Variants in MAST3 observed in about 807,000 individuals in gnomAD.
MAST3 encodes the protein microtubule-associated serine/threonine-protein kinase 3.
Under a neutral mutation model 127.0 loss-of-function variants are expected in MAST3, and 43 were observed. That is an observed-to-expected ratio of 0.34 (90% CI 0.27 to 0.44). The LOEUF is 0.44. Ranked by LOEUF, MAST3 falls within the 20% of genes least tolerant of loss-of-function variation. The pLI is 1.00. For synonymous variants in MAST3, 785 were observed against 809.2 expected, an observed-to-expected ratio of 0.97 and a Z score of 0.51; for missense variants, 1,390 against 1,919.1, an observed-to-expected ratio of 0.72 and a Z score of 5.15.
chr19:18,134,885 C>T lies in MAST3; in HGVS notation c.1773C>T (p.Asp591=). 5 of 1,614,066 alleles carry T rather than the reference C, an allele frequency of 3.1e-6. No individual in the cohort carries two copies. The highest frequency in any genetic ancestry group is 4.2e-6 in the Non-Finnish European group (5 of 1,179,956). The change falls in exon 17 of 28, where the codon GAC becomes GAT. Residue 591 remains aspartate (D), a synonymous_variant. Coordinates refer to ENST00000687212, the MANE Select transcript of MAST3 (RefSeq NM_001393504.1). ...IFRQGYGKPV[D]WWAMGVVLYE... ...GCCAGGGCTATGGGAAGCCAGTGGA[C>T]TGGTGGGCCATGGGCGTCGTCCTCT...
chr19:18,101,982 G>A (rs1350072495), intron 1 of MAST3, among the ~76,000 whole-genome samples: 1 of 140,472 alleles, frequency 7.1e-6, no homozygotes, highest in Non-Finnish European at 1.5e-5. Context: ...CCAGGTTCAT[G>A]CCATTCTCCT....
intron 11 of MAST3, among the ~76,000 whole-genome samples, chr19:18,126,188 C>T (rs889850681): frequency 4.6e-5 from 7 of 151,804 alleles, no homozygotes; most frequent in African/African-American, 1.7e-4. Context: ...CACCACTGTC[C>T]TCCAGCCTGG....
chr19:18,100,266 C>A (rs1179155440), intron 1 of MAST3, among the ~76,000 whole-genome samples: 1 of 151,900 alleles, frequency 6.6e-6, no homozygotes, highest in Non-Finnish European at 1.5e-5. Context: ...GCTGGGATTA[C>A]AGGCACATGT....
chr19:18,118,139 G>T (rs924366702), intron 3 of MAST3: 1 of 985,306 alleles, frequency 1.0e-6, no homozygotes, highest in Non-Finnish European at 1.2e-6. Flanking sequence ...GGCCTCGGGC[G>T]GCTGCGGCGG....
At position 18,144,032 on chromosome 19, in the gene MAST3, G is replaced by A. The variant is rs1350909151; in HGVS notation, c.2584+25G>A. On this transcript the variant is annotated intron_variant, in intron 22 of 27. Coordinates refer to ENST00000687212, the MANE Select transcript of MAST3 (RefSeq NM_001393504.1). The surrounding 1 kb of genome is among the most constrained non-coding windows in gnomAD (Gnocchi z 4.0). ...GGTAAGTGGGGCCCTGAGTAAGAGG[G>A]ATGATGTCATGGAAGTTTCCCAGAG... 6.5e-7 allele frequency: 1 copy of A among 1,549,976 alleles called. No homozygotes were observed. Among genetic ancestry groups the A allele is most frequent in the Admixed American group, 2.0e-5 (1 of 50,678 alleles).
chr19:18,111,537 T>TC (rs775029213), intron 3 of MAST3, among the ~76,000 whole-genome samples: 1 of 135,158 alleles, frequency 7.4e-6, no homozygotes, highest in East Asian at 2.1e-4. Context: ...AGACTTTTTT[T>TC]TTTTTTTTTT....
intron 3 of MAST3, among the ~76,000 whole-genome samples, chr19:18,115,765 A>AG (rs1470872920): frequency 6.6e-6 from 1 of 152,286 alleles, no homozygotes; most frequent in East Asian, 1.9e-4. Flanking sequence ...AGCAGACACA[A>AG]GGGGGTTTAC....
chr19:18,101,762 C>G (rs2037643161), intron 1 of MAST3, among the ~76,000 whole-genome samples: 1 of 151,492 alleles, frequency 6.6e-6, no homozygotes, highest in Non-Finnish European at 1.5e-5. Flanking sequence ...GCGATTCTCA[C>G]AGCCTCAGCC....
Position 18,149,951 on chromosome 19 carries a change from CA to C in MAST3, c.*228del. 1 of 485,076 alleles carries C rather than the reference CA, an allele frequency of 2.1e-6. No homozygotes were observed. Among genetic ancestry groups the C allele is most frequent in the Non-Finnish European group, 3.6e-6 (1 of 280,192 alleles). 30.0% of individuals were successfully genotyped at this position (485,076 alleles called of 1,614,324 possible). On this transcript the variant is annotated 3_prime_UTR_variant, in exon 28 of 28. Coordinates refer to ENST00000687212, the MANE Select transcript of MAST3 (RefSeq NM_001393504.1). This position sits in a 1 kb window ranked among gnomAD's most constrained non-coding sequence, Gnocchi z 5.9. ...ACAAGGGTGGCTTTGTAAATAGCAG[CA>C]AATCCCTGCAACTAATTTATTACTT...
At chr19:18,108,595 T>C (rs1471218957) in intron 2 of MAST3, among the ~76,000 whole-genome samples, 1 of 152,186 alleles carries the variant, frequency 6.6e-6, no homozygotes, top group Non-Finnish European at 1.5e-5. Flanking sequence ...CTCAAACTCC[T>C]GGACTCAAGC....
In MAST3 at chr19:18,145,991, C is replaced by A; in HGVS notation, c.3162+126C>A. On this transcript the variant is annotated intron_variant, in intron 25 of 27. Coordinates refer to ENST00000687212, the MANE Select transcript of MAST3 (RefSeq NM_001393504.1). This position sits in a 1 kb window ranked among gnomAD's most constrained non-coding sequence, Gnocchi z 5.9. ...TTCAATGTCAACTCCAGGCCTGGCACATCCACTTCCTTCGGCCCAGAATAC... is the reference window on the plus strand; with the variant it reads ...TTCAATGTCAACTCCAGGCCTGGCAAATCCACTTCCTTCGGCCCAGAATAC... 1 of 1,179,898 alleles carries A rather than the reference C, an allele frequency of 8.5e-7. No individual in the cohort carries two copies. 73.1% of individuals were successfully genotyped at this position (1,179,898 alleles called of 1,614,324 possible).
At chr19:18,146,052 G>T (rs1179573678) in intron 25 of MAST3, among the ~76,000 whole-genome samples, 187 bp downstream of exon 25, 1 of 152,112 alleles carries the variant, frequency 6.6e-6, no homozygotes, top group East Asian at 1.9e-4. Flanking sequence ...ACCCCTTAGA[G>T]CTGCTCCTCC....
chr19:18,138,865 G>A (rs768569262), intron 19 of MAST3, 150 bp from the exon 20 acceptor site: 15 of 605,856 alleles, frequency 2.5e-5, no homozygotes, highest in East Asian at 1.7e-4. Context: ...CAAGCCTCCC[G>A]TGGTCCTTAA....
rs1481962721 is a variant in MAST3, at chr19:18,123,172, A to C, written c.400-45A>C. 2.5e-6 allele frequency: 4 copies of C among 1,608,254 alleles called. No homozygotes were observed. In the East Asian group the frequency reaches 8.9e-5, roughly 36 times the overall value. Reference sequence around the variant, plus strand: ...GTGGTGCTGGGTTCCTGGCCACAGCACTGACGGTGAACTCATGGCTCTGAT... The same window carrying C: ...GTGGTGCTGGGTTCCTGGCCACAGCCCTGACGGTGAACTCATGGCTCTGAT... On this transcript the variant is annotated intron_variant, in intron 6 of 27. Transcript: ENST00000687212.
chr19:18,133,873 C>T (rs1208269211), intron 15 of MAST3, among the ~76,000 whole-genome samples: 1 of 151,930 alleles, frequency 6.6e-6, no homozygotes, highest in African/African-American at 2.4e-5. Flanking sequence ...ATTTTTAAAA[C>T]TCTCACGCAA....
intron 2 of MAST3, among the ~76,000 whole-genome samples, chr19:18,108,339 C>T (rs1239293658): frequency 7.0e-6 from 1 of 142,922 alleles, no homozygotes; most frequent in Non-Finnish European, 1.5e-5. Context: ...CATCAGTGTT[C>T]CTGTAGGTTG....
intron 13 of MAST3, 87 bp from the exon 14 acceptor site, chr19:18,130,407 C>G (rs1471110787): frequency 1.7e-5 from 20 of 1,204,058 alleles, no homozygotes; most frequent in Admixed American, 8.1e-5. Flanking sequence ...AAAGGCCAGG[C>G]AGGTTGGGAT....
In MAST3 at chr19:18,104,179, CAAAAAAAAAAAAAAAAAAAAAA is replaced by C. The variant is rs56347763; in HGVS notation, c.40-3389_40-3368del. On this transcript the variant is annotated intron_variant, in intron 1 of 27. Transcript: ENST00000687212. ...TGGGCGACATAGCCAGACGCTGTCT[CAAAAAAAAAAAAAAAAAAAAAA>C]AAAAAAAAAAAAAAAAAATTCCCAC... Among the ~76,000 whole-genome samples, 310 of 43,500 alleles carry C rather than the reference CAAAAAAAAAAAAAAAAAAAAAA, an allele frequency of 7.1e-3. 3 individuals carry two copies. The highest frequency in any genetic ancestry group is 0.029 in the African/African-American group (254 of 8,876). The allele number at this position is 43,500 out of a possible 152,430, so 28.5% of individuals were successfully genotyped here.
At chr19:18,124,617 G>A in intron 10 of MAST3, 25 bp from the exon 11 acceptor site, 1 of 1,543,652 alleles carries the variant, frequency 6.5e-7, no homozygotes, top group Non-Finnish European at 8.7e-7. Context: ...CAAGCCCTGG[G>A]TGACCAGCCC....
Sources: allele counts gnomAD v4.1 joint callset (sites outside exome capture counted in the v4.1 genomes callset), GRCh38; gene constraint gnomAD v4.1.1; non-coding constraint Gnocchi (gnomAD v3.1); transcripts MANE v1.5; gene names NCBI Gene and HGNC (gene_info 2026-07-23, HGNC 2026-07-21).